The following SUMF1 variants were observed in gnomAD, a reference collection of about 807,000 sequenced individuals.
SUMF1 encodes the protein formylglycine-generating enzyme.
SUMF1 carries 48 observed loss-of-function variants against 47.6 expected under a neutral mutation model. That is an observed-to-expected ratio of 1.01 (90% CI 0.80 to 1.28). The LOEUF (loss-of-function observed/expected upper bound fraction) is 1.28. Ranked by LOEUF, SUMF1 falls within the 50% of genes most tolerant of loss-of-function variation. The pLI is 0.00. For synonymous variants in SUMF1, 230 were observed against 192.1 expected (o/e 1.20, Z -1.63); for missense variants, 571 against 485.4 (o/e 1.18, Z -1.66).
At chr3:4,145,531 C>G (rs1394366734) in intron 8 of SUMF1, among the ~76,000 whole-genome samples, 2 of 152,130 alleles carry the variant, frequency 1.3e-5, no homozygotes, top group Non-Finnish European at 2.9e-5. Context: ...CATGACCTCC[C>G]TTCAGCTATA....
intron 8 of SUMF1, among the ~76,000 whole-genome samples, chr3:4,242,588 T>TA (rs1371595290): frequency 2.0e-5 from 3 of 152,240 alleles, no homozygotes; most frequent in Non-Finnish European, 4.4e-5. Flanking sequence ...TTGATTTATA[T>TA]ATGTTGAACC....
chr3:4,141,212 G>A (rs17040037), intron 8 of SUMF1, among the ~76,000 whole-genome samples: 6,552 of 152,246 alleles, frequency 0.043, 418 homozygotes, highest in East Asian at 0.18. Flanking sequence ...GCAGCAGTGA[G>A]AGTACTGTGT....
intron 6 of SUMF1, among the ~76,000 whole-genome samples, chr3:4,411,631 C>T (rs868281959): frequency 1.3e-5 from 2 of 148,496 alleles, no homozygotes; most frequent in African/African-American, 2.5e-5. Flanking sequence ...GCAGGTCAGA[C>T]AGTCTGCCAC....
At chr3:4,332,033 A>G (rs766916689) in intron 8 of SUMF1, among the ~76,000 whole-genome samples, 22 of 152,194 alleles carry the variant, frequency 1.4e-4, no homozygotes, top group Admixed American at 3.9e-4. Flanking sequence ...TTAATTTACT[A>G]AAGATTAATA....
intron 8 of SUMF1, among the ~76,000 whole-genome samples, chr3:4,325,658 A>C (rs74785782): frequency 0.012 from 1,793 of 151,950 alleles, 19 homozygotes; most frequent in African/African-American, 0.036. Flanking sequence ...TGTTATTTCT[A>C]CTGAATTTTA....
At chr3:4,269,710 T>G (rs746846695) in intron 8 of SUMF1, among the ~76,000 whole-genome samples, 2 of 152,166 alleles carry the variant, frequency 1.3e-5, no homozygotes, top group Non-Finnish European at 2.9e-5. Context: ...GACAGGCCAA[T>G]TCCTTAAGTG....
At chr3:4,316,908 C>T (rs372022724) in intron 8 of SUMF1, 52 of 1,549,414 alleles carry the variant, frequency 3.4e-5, no homozygotes, top group Admixed American at 1.2e-4. Flanking sequence ...ACTGCAACGC[C>T]TGCAGCTGGC....
intron 7 of SUMF1, among the ~76,000 whole-genome samples, chr3:4,402,348 C>T (rs906462305): frequency 1.3e-5 from 2 of 152,312 alleles, no homozygotes; most frequent in East Asian, 3.9e-4. Flanking sequence ...ACAGCTCCAA[C>T]TGGTAGAGAA....
At chr3:4,333,317 C>CCA (rs1699084916) in intron 8 of SUMF1, among the ~76,000 whole-genome samples, 1 of 152,194 alleles carries the variant, frequency 6.6e-6, no homozygotes, top group Non-Finnish European at 1.5e-5. Flanking sequence ...GTTCCCCCTC[C>CCA]CATAAGGGGG....
chr3:4,273,599 G>C lies in SUMF1; in HGVS notation c.1014+102731C>G, dbSNP rs1001836978. 4.6e-5 allele frequency among the ~76,000 whole-genome samples: 7 copies of C among 151,582 alleles called. No individual in the cohort carries two copies. In the East Asian group the frequency reaches 1.4e-3, roughly 29 times the overall value. ...TTGAATTGTGATGGCACCACTCTGT[G>C]AATGTACTAAAAATCTTTTAACTAT... On this transcript the variant is annotated intron_variant and NMD_transcript_variant, in intron 8 of 12. Transcript: ENST00000448413.
intron 3 of SUMF1, among the ~76,000 whole-genome samples, chr3:4,422,972 C>T (rs1200848451): frequency 1.3e-5 from 2 of 152,066 alleles, no homozygotes; most frequent in African/African-American, 4.8e-5. Context: ...GTCCGTTGTG[C>T]CATTCTTATG....
intron 9 of SUMF1, among the ~76,000 whole-genome samples, chr3:4,051,339 C>A (rs772406156): frequency 6.6e-6 from 1 of 152,092 alleles, no homozygotes; most frequent in Non-Finnish European, 1.5e-5. Flanking sequence ...TACATTCCTA[C>A]GTTCTTTTCT....
At chr3:4,400,111 C>T (rs938608156) in intron 7 of SUMF1, among the ~76,000 whole-genome samples, 6 of 152,116 alleles carry the variant, frequency 3.9e-5, no homozygotes, top group African/African-American at 1.4e-4. Context: ...CCTCAAGCAA[C>T]CGACCCAAAC....
intron 8 of SUMF1, among the ~76,000 whole-genome samples, chr3:4,170,506 G>C (rs1396342012): frequency 6.6e-6 from 1 of 152,102 alleles, no homozygotes; most frequent in Non-Finnish European, 1.5e-5. Context: ...AATAAGGAAG[G>C]GCAGTTAATT....
intron 7 of SUMF1, among the ~76,000 whole-genome samples, chr3:4,405,341 G>C (rs1180153974): frequency 1.3e-5 from 2 of 152,164 alleles, no homozygotes; most frequent in African/African-American, 2.4e-5. Flanking sequence ...ACAGGAGACA[G>C]ACAAGGAGGG....
intron 8 of SUMF1, among the ~76,000 whole-genome samples, chr3:4,215,940 A>C (rs1222863457): frequency 1.3e-5 from 2 of 152,192 alleles, no homozygotes; most frequent in Non-Finnish European, 2.9e-5. Context: ...AGGAAGAATC[A>C]ATACTGTGAC....
At chr3:4,049,376 T>TA (rs1278788270) in intron 9 of SUMF1, among the ~76,000 whole-genome samples, 1 of 152,212 alleles carries the variant, frequency 6.6e-6, no homozygotes, top group Non-Finnish European at 1.5e-5. Context: ...AATGCCCTCT[T>TA]ACTCCACAGC....
intron 8 of SUMF1, among the ~76,000 whole-genome samples, chr3:4,100,658 A>C (rs532019729): frequency 4.6e-5 from 7 of 152,144 alleles, no homozygotes; most frequent in African/African-American, 1.7e-4. Flanking sequence ...AGGCAATGAA[A>C]GCTAAACAAA....
chr3:4,335,960 C>CAAAAAAAACAA (rs5846319), intron 8 of SUMF1, among the ~76,000 whole-genome samples: 21,501 of 73,124 alleles, frequency 0.29, 2,671 homozygotes, highest in East Asian at 0.47. Context: ...GATTCCAACT[C>CAAAAAAAACAA]AAAAAAAAAA....
Sources: gnomAD v4.1 joint callset for allele counts (sites outside exome capture counted in the v4.1 genomes callset) on GRCh38, gnomAD v4.1.1 for gene constraint, MANE v1.5 for transcripts, NCBI Gene and HGNC (gene_info 2026-07-23, HGNC 2026-07-21) for gene names.